The following FIG4 variants were observed in gnomAD, a reference collection of about 807,000 sequenced individuals.
FIG4 encodes FIG4 phosphoinositide 5-phosphatase.
In FIG4, 112 loss-of-function variants were observed where a neutral mutation model predicts 118.6. That is an observed-to-expected ratio of 0.94 (90% CI 0.81 to 1.11). The LOEUF (loss-of-function observed/expected upper bound fraction) is 1.11, where lower values mean the gene tolerates loss of function less well. Among genes scored for constraint, FIG4 ranks in the 50% least tolerant of loss-of-function variants. The pLI is 0.00. For synonymous variants in FIG4, 369 were observed against 381.2 expected (o/e 0.97, Z 0.37); for missense variants, 969 against 1,111.7 (o/e 0.87, Z 1.83).
Position 109,704,764 on chromosome 6 carries a change from A to G in FIG4, c.67-10314A>G, listed in dbSNP as rs577736121. ...CTGATGAACTATTCTAGATTAAAAGATTTAAAAAGATGTAACATAACTTTA... is the reference window on the plus strand; with the variant it reads ...CTGATGAACTATTCTAGATTAAAAGGTTTAAAAAGATGTAACATAACTTTA... On this transcript the variant is annotated intron_variant, in intron 1 of 22. Transcript: ENST00000230124. 1.3e-3 allele frequency among the ~76,000 whole-genome samples: 200 copies of G among 151,964 alleles called. 1 individual carries two copies. Among genetic ancestry groups the G allele is most frequent in the African/African-American group, 4.7e-3 (196 of 41,478 alleles).
rs753707136 is a variant in FIG4, at chr6:109,791,359, T to G, written c.2181-17T>G. The G allele has an allele frequency of 6.2e-7, 1 of 1,607,228 alleles. No individual in the cohort carries two copies. Among genetic ancestry groups the G allele is most frequent in the African/African-American group, 1.3e-5 (1 of 74,862 alleles). On this transcript the variant is annotated splice_polypyrimidine_tract_variant and intron_variant, in intron 19 of 22. Coordinates refer to ENST00000230124, the MANE Select transcript of FIG4 (RefSeq NM_014845.6). ...TTAGTTTAAAGATGCTTCACTTCCATATTATTCTTTTAAAAGAAACAAAAG... is the reference window on the plus strand; with the variant it reads ...TTAGTTTAAAGATGCTTCACTTCCAGATTATTCTTTTAAAAGAAACAAAAG...
rs935244268 is a variant in FIG4, at chr6:109,786,910, CCA to C, written c.2096+471_2096+472del. 7.2e-5 allele frequency among the ~76,000 whole-genome samples: 11 copies of C among 152,102 alleles called. No homozygotes were observed. In the East Asian group the frequency reaches 1.7e-3, roughly 24 times the overall value. On this transcript the variant is annotated intron_variant, in intron 18 of 22. Transcript: ENST00000230124. The stretch of plus-strand genomic sequence containing the variant: ...TCTGTCTCTCTTCTTTCTCTCTCCC[CCA>C]CACACACACGCCCCGCAAGTGCCTT...
In FIG4 at chr6:109,762,146, A is replaced by G; in HGVS notation, c.1327A>G (p.Lys443Glu). The G allele has an allele frequency of 6.2e-7, 1 of 1,613,942 alleles. No individual in the cohort carries two copies. Among genetic ancestry groups the G allele is most frequent in the Non-Finnish European group, 8.5e-7 (1 of 1,179,814 alleles). Residue 443 changes from lysine (K) to glutamate (E), a missense_variant, in exon 12 of 23, where the codon AAA (lysine) becomes GAA (glutamate). Lys to Glu is a moderately conservative substitution (Grantham distance 56). Transcript: ENST00000230124. ...TGTGATTGCAGAAAGTGTGGTGAAG[A>G]AAACAGGTTTCTTTGTAAACCGCCC... ...LNVIAESVVK[K>E]TGFFVNRPDS...
chr6:109,707,849 C>T (rs777331554), intron 1 of FIG4, among the ~76,000 whole-genome samples: 3 of 151,706 alleles, frequency 2.0e-5, no homozygotes, highest in South Asian at 2.1e-4. Flanking sequence ...CTTTTTGAAG[C>T]GAAATATCTT....
At chr6:109,710,325 A>C (rs1457178518) in intron 1 of FIG4, among the ~76,000 whole-genome samples, 1 of 152,198 alleles carries the variant, frequency 6.6e-6, no homozygotes, top group Non-Finnish European at 1.5e-5. Flanking sequence ...GTAGTGGATA[A>C]GCTTTTTGAT....
At chr6:109,793,287 A>G (rs1427269009) in intron 21 of FIG4, among the ~76,000 whole-genome samples, 1 of 152,236 alleles carries the variant, frequency 6.6e-6, no homozygotes, top group Non-Finnish European at 1.5e-5. Flanking sequence ...ACAAATGAGG[A>G]CCTTGCATCA....
intron 1 of FIG4, among the ~76,000 whole-genome samples, chr6:109,712,807 C>G (rs1775306121): frequency 6.6e-6 from 1 of 152,202 alleles, no homozygotes; most frequent in Non-Finnish European, 1.5e-5. Context: ...AAAGGCACTT[C>G]TGGCTTTTTG....
chr6:109,720,270 G>A (rs949968382), intron 3 of FIG4, among the ~76,000 whole-genome samples: 4 of 152,178 alleles, frequency 2.6e-5, no homozygotes, highest in Non-Finnish European at 1.5e-5. Flanking sequence ...AAATGTAGTG[G>A]ATACTGAAAT....
At chr6:109,771,955 A>C (rs967798171) in intron 15 of FIG4, among the ~76,000 whole-genome samples, 7 of 152,040 alleles carry the variant, frequency 4.6e-5, no homozygotes, top group African/African-American at 1.4e-4. Context: ...CTAATCCCAC[A>C]TGCCCCTCCA....
chr6:109,726,940 A>G (rs186951145), intron 3 of FIG4, among the ~76,000 whole-genome samples, 169 bp from the exon 4 acceptor site: 1 of 152,294 alleles, frequency 6.6e-6, no homozygotes, highest in African/African-American at 2.4e-5. Context: ...AAATGTCAGT[A>G]TAGATAGTCT....
intron 1 of FIG4, 132 bp from the exon 2 acceptor site, chr6:109,714,946 A>G: frequency 1.7e-6 from 1 of 597,200 alleles, no homozygotes; most frequent in Non-Finnish European, 3.0e-6. Context: ...TGCCAGTTAT[A>G]CATAACAGAA....
chr6:109,817,476 G>T, intron 22 of FIG4, among the ~76,000 whole-genome samples: 1 of 151,700 alleles, frequency 6.6e-6, no homozygotes, highest in East Asian at 1.9e-4. Flanking sequence ...CCTATTTCAG[G>T]TCAGAAAATC....
intron 6 of FIG4, among the ~76,000 whole-genome samples, chr6:109,738,100 CTT>C (rs1474239325): frequency 6.6e-6 from 1 of 152,082 alleles, no homozygotes; most frequent in Non-Finnish European, 1.5e-5. Flanking sequence ...ATTTCTTTGA[CTT>C]TTTACAGAAT....
intron 22 of FIG4, 77 bp downstream of exon 22, chr6:109,796,928 GA>G: frequency 3.4e-6 from 3 of 889,984 alleles, no homozygotes; most frequent in Non-Finnish European, 5.7e-6. Context: ...GACTTTTTAA[GA>G]AAAAGATTCA....
intron 22 of FIG4, 122 bp from the exon 23 acceptor site, chr6:109,824,945 ACTGGGGAGGTCATCCCAGCAG>A: frequency 1.3e-6 from 1 of 745,460 alleles, no homozygotes; most frequent in Non-Finnish European, 2.3e-6. Context: ...CCTCGCAAGG[ACTGGGGAGGTCATCCCAGCAG>A]CTTGTCAAAA....
At chr6:109,707,379 A>G (rs1470164969) in intron 1 of FIG4, among the ~76,000 whole-genome samples, 1 of 148,300 alleles carries the variant, frequency 6.7e-6, no homozygotes, top group Admixed American at 6.8e-5. Context: ...ATATATATAC[A>G]TATATACACA....
At chr6:109,824,524 G>C (rs1041030480) in intron 22 of FIG4, among the ~76,000 whole-genome samples, 7 of 152,214 alleles carry the variant, frequency 4.6e-5, no homozygotes, top group African/African-American at 1.7e-4. Flanking sequence ...CAGAATTGCG[G>C]TAAGAAATTC....
chr6:109,743,882 C>G, intron 10 of FIG4, 110 bp downstream of exon 10: 1 of 816,450 alleles, frequency 1.2e-6, no homozygotes, highest in African/African-American at 1.7e-5. Flanking sequence ...AGTGGAGAGA[C>G]GTGCAGATTA....
intron 16 of FIG4, among the ~76,000 whole-genome samples, chr6:109,782,047 A>G (rs570112575): frequency 1.3e-5 from 2 of 152,162 alleles, no homozygotes; most frequent in Non-Finnish European, 2.9e-5. Context: ...TTAGCTAGGA[A>G]AATTAGACAG....
Sources: allele counts gnomAD v4.1 joint callset (sites outside exome capture counted in the v4.1 genomes callset), GRCh38; gene constraint gnomAD v4.1.1; transcripts MANE v1.5; gene names NCBI Gene and HGNC (gene_info 2026-07-23, HGNC 2026-07-21).